The following RPRD1B variants were observed in gnomAD, a reference collection of about 807,000 sequenced individuals.
RPRD1B encodes the protein regulation of nuclear pre-mRNA domain containing 1B.
In RPRD1B, 11 loss-of-function variants were observed where a neutral mutation model predicts 41.5. The ratio of observed to expected loss-of-function variants is 0.27; its 90% CI spans 0.17 to 0.44. The LOEUF (loss-of-function observed/expected upper bound fraction) is 0.44. Ranked by LOEUF, RPRD1B falls within the 20% of genes least tolerant of loss-of-function variation. The probability of loss-of-function intolerance (pLI) is 1.00; values close to 1 mark genes in which losing one functional copy is unlikely to be tolerated. For missense variants in RPRD1B, 248 were observed against 389.9 expected (o/e 0.64, Z 3.06); for synonymous variants, 158 against 155.6 (o/e 1.02, Z -0.12).
Position 38,091,009 on chromosome 20 carries a change from G to C in RPRD1B, c.*1134G>C, listed in dbSNP as rs1296740302. 4 of 985,478 alleles carry C rather than the reference G, an allele frequency of 4.1e-6. No homozygotes were observed. Among genetic ancestry groups the C allele is most frequent in the South Asian group, 4.7e-5 (1 of 21,278 alleles). 61.0% of individuals were successfully genotyped at this position (985,478 alleles called of 1,614,324 possible). ...AGCGGGGAGTTGGGGATATTAATTG[G>C]GGGTTTTAATTCTATTATCATGTCA... On this transcript the variant is annotated 3_prime_UTR_variant, in exon 7 of 7. Coordinates refer to ENST00000373433, the MANE Select transcript of RPRD1B (RefSeq NM_021215.4).
rs143967380 is a variant in RPRD1B at position 38,090,628 on chromosome 20, C to T, written c.*753C>T. On this transcript the variant is annotated 3_prime_UTR_variant, in exon 7 of 7. Coordinates refer to ENST00000373433, the MANE Select transcript of RPRD1B (RefSeq NM_021215.4). ...TTCCCATGCTGCACTTCTCCACTGT[C>T]GGAGCACGTTCCGAAAAACAGAATG... 393 of 985,460 alleles carry T rather than the reference C, an allele frequency of 4.0e-4. 5 individuals carry two copies. The African/African-American group carries it at 6.2e-3, about 16-fold the overall frequency. The allele number at this position is 985,460 out of a possible 1,614,324, so 61.0% of individuals were successfully genotyped here. A position where few individuals can be genotyped will look rare whatever the true frequency, so the allele number is the denominator to read the frequency against.
chr20:38,088,237 C>G (rs1268205845), intron 6 of RPRD1B, among the ~76,000 whole-genome samples: 1 of 152,190 alleles, frequency 6.6e-6, no homozygotes, highest in Non-Finnish European at 1.5e-5. Flanking sequence ...TAAGTATTCT[C>G]CATTTGACCT....
chr20:38,036,575 G>T (rs967788742), intron 1 of RPRD1B, among the ~76,000 whole-genome samples: 1 of 152,188 alleles, frequency 6.6e-6, no homozygotes, highest in Non-Finnish European at 1.5e-5. Flanking sequence ...ATCGCGTGGT[G>T]CCTGTTATAT....
intron 6 of RPRD1B, among the ~76,000 whole-genome samples, chr20:38,081,506 G>C (rs900539144): frequency 6.6e-6 from 1 of 152,352 alleles, no homozygotes; most frequent in South Asian, 2.1e-4. Flanking sequence ...ACGAGAGATA[G>C]TTTGACTTCC....
At chr20:38,059,562 C>T (rs1191966585) in intron 5 of RPRD1B, 42 bp downstream of exon 5, 6 of 1,602,658 alleles carry the variant, frequency 3.7e-6, no homozygotes, top group Non-Finnish European at 5.1e-6. Context: ...GAGAGAGGGA[C>T]ATAACTGTAA....
chr20:38,051,763 C>G (rs1288394225), intron 3 of RPRD1B, among the ~76,000 whole-genome samples: 1 of 152,138 alleles, frequency 6.6e-6, no homozygotes, highest in Admixed American at 6.5e-5. Flanking sequence ...GCTGTCATTT[C>G]TTTTTTGAGA....
chr20:38,034,860 A>G (rs1255953801), intron 1 of RPRD1B, among the ~76,000 whole-genome samples: 3 of 152,208 alleles, frequency 2.0e-5, no homozygotes, highest in South Asian at 2.1e-4. Flanking sequence ...GCCTCTGCCA[A>G]CTGCCTAGAA....
At chr20:38,041,126 T>C (rs1469667861) in intron 2 of RPRD1B, among the ~76,000 whole-genome samples, 1 of 151,380 alleles carries the variant, frequency 6.6e-6, no homozygotes, top group Non-Finnish European at 1.5e-5. Flanking sequence ...CTCATACAAC[T>C]AATACCATAG....
chr20:38,088,981 A>G (rs933411802), intron 6 of RPRD1B, among the ~76,000 whole-genome samples: 2 of 152,208 alleles, frequency 1.3e-5, no homozygotes, highest in African/African-American at 4.8e-5. Flanking sequence ...AATGGTCCAC[A>G]CAGACAAAGA....
At chr20:38,083,798 C>A (rs1297103078) in intron 6 of RPRD1B, 1 of 152,050 alleles carries the variant, frequency 6.6e-6, no homozygotes, top group Non-Finnish European at 1.5e-5. Context: ...AATTTCTTCT[C>A]TTCTTTGTAT....
At chr20:38,037,993 A>C (rs534703801) in intron 1 of RPRD1B, among the ~76,000 whole-genome samples, 1 of 152,296 alleles carries the variant, frequency 6.6e-6, no homozygotes, top group Non-Finnish European at 1.5e-5. Context: ...ACTTACATCA[A>C]CTTTGCAGAG....
Position 38,059,538 on chromosome 20 carries a change from G to A in RPRD1B, c.655+18G>A, listed in dbSNP as rs1568652384. The A allele has an allele frequency of 6.2e-7, 1 of 1,612,574 alleles. No individual in the cohort carries two copies. The highest frequency in any genetic ancestry group is 1.7e-5 in the Admixed American group (1 of 59,916). On this transcript the variant is annotated intron_variant, in intron 5 of 6. Transcript: ENST00000373433. ...AATAACAGGTGAGAAGGTAGAGTTT[G>A]GGTGAAAGGTGAGGAGAGAGGGACA...
intron 2 of RPRD1B, among the ~76,000 whole-genome samples, chr20:38,041,750 A>G (rs2074068354): frequency 6.6e-6 from 1 of 152,150 alleles, no homozygotes; most frequent in South Asian, 2.1e-4. Context: ...TTGAGCCCAA[A>G]TTTCCTAACT....
intron 6 of RPRD1B, chr20:38,085,387 G>C (rs1465115739): frequency 2.0e-5 from 3 of 152,184 alleles, no homozygotes; most frequent in African/African-American, 4.8e-5. Flanking sequence ...GTATAGTCCT[G>C]AGTAAAGTGT....
intron 2 of RPRD1B, among the ~76,000 whole-genome samples, chr20:38,047,921 A>G (rs1167011783): frequency 6.6e-6 from 1 of 152,148 alleles, no homozygotes; most frequent in Non-Finnish European, 1.5e-5. Context: ...GTTAGAATTG[A>G]TGAGTTGCAG....
intron 6 of RPRD1B, among the ~76,000 whole-genome samples, chr20:38,082,677 A>G (rs532568765): frequency 3.9e-5 from 6 of 152,156 alleles, no homozygotes; most frequent in Non-Finnish European, 8.8e-5. Flanking sequence ...GTGAGCCACC[A>G]CGCCCGGCCT....
chr20:38,079,053 G>C (rs1286325748), intron 6 of RPRD1B, among the ~76,000 whole-genome samples: 1 of 152,078 alleles, frequency 6.6e-6, no homozygotes, highest in Non-Finnish European at 1.5e-5. Context: ...AATAGAATAT[G>C]GGAGGGGTGA....
In RPRD1B at chr20:38,034,178, C is replaced by T; in HGVS notation, c.151+80C>T. 5 of 1,428,894 alleles carry T rather than the reference C, an allele frequency of 3.5e-6. 1 individual carries two copies. In the South Asian group the frequency reaches 4.1e-5, roughly 12 times the overall value. The allele number at this position is 1,428,894 out of a possible 1,614,324, so 88.5% of individuals were successfully genotyped here. A position where few individuals can be genotyped will look rare whatever the true frequency, so the allele number is the denominator to read the frequency against. On this transcript the variant is annotated intron_variant, in intron 1 of 6. Transcript: ENST00000373433. ...ATACAACCTAGGCCCCTCTAAGCCTCTTCATTGAGCCTTGCTTTCCAGGCC... is the reference window on the plus strand; with the variant it reads ...ATACAACCTAGGCCCCTCTAAGCCTTTTCATTGAGCCTTGCTTTCCAGGCC...
At chr20:38,076,499 A>G (rs889638838) in intron 6 of RPRD1B, among the ~76,000 whole-genome samples, 2 of 152,194 alleles carry the variant, frequency 1.3e-5, no homozygotes, top group Non-Finnish European at 2.9e-5. Context: ...TTTAAAAGAA[A>G]TCATCACATT....
Sources: gnomAD v4.1 joint callset for allele counts (sites outside exome capture counted in the v4.1 genomes callset) on GRCh38, gnomAD v4.1.1 for gene constraint, MANE v1.5 for transcripts, NCBI Gene and HGNC (gene_info 2026-07-23, HGNC 2026-07-21) for gene names.